ANO3: variants seen among roughly 807,000 people sequenced by gnomAD.
ANO3 encodes the protein anoctamin-3.
A neutral mutation model predicts 144.8 loss-of-function variants in ANO3; 99 were observed. The ratio of observed to expected loss-of-function variants is 0.68; its 90% CI spans 0.58 to 0.81. The LOEUF (loss-of-function observed/expected upper bound fraction) is 0.81. ANO3 is among the 30% of genes least tolerant of loss of function. The pLI, the probability that ANO3 is intolerant of heterozygous loss-of-function variation, is 0.00. For missense variants in ANO3, 905 were observed against 1,202.2 expected (o/e 0.75, Z 3.66); for synonymous variants, 414 against 392.6 (o/e 1.05, Z -0.64).
chr11:26,330,176 C>G (rs186140616), upstream of ANO3, among the ~76,000 whole-genome samples: 49 of 152,190 alleles, frequency 3.2e-4, no homozygotes, highest in Middle Eastern at 3.4e-3. Flanking sequence ...CTAATCCTCA[C>G]GTAGGAGAAT....
chr11:26,615,415 T>TATATATATATATATA (rs1491318574), intron 17 of ANO3, among the ~76,000 whole-genome samples: 7 of 55,470 alleles, frequency 1.3e-4, no homozygotes, highest in Non-Finnish European at 1.8e-4. Context: ...TATATATATA[T>TATATATATATATATA]TTTTTTTTTT....
At chr11:26,402,910 G>A (rs1174992637) in intron 1 of ANO3, among the ~76,000 whole-genome samples, 1 of 151,766 alleles carries the variant, frequency 6.6e-6, no homozygotes, top group Non-Finnish European at 1.5e-5. Flanking sequence ...CTCTTAATTA[G>A]GGTTCCTTCA....
intron 18 of ANO3, among the ~76,000 whole-genome samples, chr11:26,631,181 G>C (rs1479715709): frequency 6.6e-6 from 1 of 151,888 alleles, no homozygotes; most frequent in Admixed American, 6.6e-5. Flanking sequence ...ATTTGGGGTG[G>C]TGGAGTCTTC....
intron 1 of ANO3, among the ~76,000 whole-genome samples, chr11:26,417,231 TA>T (rs1346515719): frequency 3.3e-5 from 5 of 152,108 alleles, no homozygotes; most frequent in Admixed American, 2.0e-4. Context: ...ATAACCTCTA[TA>T]AGTGTGTTTT....
At chr11:26,195,073 C>A (rs1851558660) in intron 1 of ANO3, among the ~76,000 whole-genome samples, 1 of 152,154 alleles carries the variant, frequency 6.6e-6, no homozygotes, top group African/African-American at 2.4e-5. Flanking sequence ...TCCTGTTTTT[C>A]TACCAATAGA....
intron 1 of ANO3, among the ~76,000 whole-genome samples, chr11:26,292,546 G>C (rs548075881): frequency 6.6e-6 from 1 of 152,100 alleles, no homozygotes; most frequent in Admixed American, 6.5e-5. Flanking sequence ...CATCTTTGTG[G>C]TTTTTATCTA....
At chr11:26,386,725 G>T (rs1264741318) in intron 1 of ANO3, among the ~76,000 whole-genome samples, 1 of 152,138 alleles carries the variant, frequency 6.6e-6, no homozygotes, top group Non-Finnish European at 1.5e-5. Flanking sequence ...CTTTAAAATT[G>T]CAAAGACTTG....
At chr11:26,191,985 T>C (rs1167447665) in intron 1 of ANO3, among the ~76,000 whole-genome samples, 1 of 152,210 alleles carries the variant, frequency 6.6e-6, no homozygotes, top group Non-Finnish European at 1.5e-5. Context: ...ATGATACACA[T>C]ATAAAAATTA....
intron 4 of ANO3, among the ~76,000 whole-genome samples, chr11:26,484,347 A>C (rs1395943912): frequency 2.0e-5 from 3 of 152,166 alleles, no homozygotes; most frequent in African/African-American, 7.2e-5. Context: ...TGCTCCCTGC[A>C]TCCCAGCCAC....
At chr11:26,445,187 GATTTTGGAGC>G (rs1263695169) in intron 3 of ANO3, among the ~76,000 whole-genome samples, 1 of 152,142 alleles carries the variant, frequency 6.6e-6, no homozygotes, top group Non-Finnish European at 1.5e-5. Context: ...AAAAGTTTCA[GATTTTGGAGC>G]ATTTTGGATT....
Position 26,437,022 on chromosome 11 carries a change from G to A in ANO3, c.47-4896G>A, listed in dbSNP as rs544711506. The stretch of plus-strand genomic sequence containing the variant: ...CTAAGTCTGCCAAACAGCAAAGATA[G>A]CAGCCTACCCCTCCCTCTGGGAGCT... On this transcript the variant is annotated intron_variant, in intron 1 of 26. Transcript: ENST00000256737. Among the ~76,000 whole-genome samples, 3 of 152,272 alleles carry A rather than the reference G, an allele frequency of 2.0e-5. No individual in the cohort carries two copies. The South Asian group carries it at 6.2e-4, about 32-fold the overall frequency.
chr11:26,593,006 T>C (rs1455706365), intron 14 of ANO3, among the ~76,000 whole-genome samples: 1 of 152,096 alleles, frequency 6.6e-6, no homozygotes. Flanking sequence ...ACAGTTCTTT[T>C]GTCTTCAATA....
rs1389506663 is a variant in ANO3 at position 26,661,277 on chromosome 11, G to C, written c.*833G>C. ...AATCCATACTTTATTGTGGAAGGCT[G>C]TTTTATAGTTTATTTAATTTTTTCT... On this transcript the variant is annotated 3_prime_UTR_variant, in exon 27 of 27. Transcript: ENST00000256737. 6.6e-6 allele frequency: 1 copy of C among 152,500 alleles called. No homozygotes were observed. Among genetic ancestry groups the C allele is most frequent in the Non-Finnish European group, 1.5e-5 (1 of 68,002 alleles). 9.4% of individuals were successfully genotyped at this position (152,500 alleles called of 1,614,324 possible).
At chr11:26,407,076 G>GTATATATATATATA (rs374806519) in intron 1 of ANO3, among the ~76,000 whole-genome samples, 8 of 101,494 alleles carry the variant, frequency 7.9e-5, no homozygotes, top group East Asian at 3.2e-4. Flanking sequence ...GTGTGTGTGT[G>GTATATATATATATA]TATATATATA....
intron 4 of ANO3, among the ~76,000 whole-genome samples, chr11:26,475,481 A>C (rs1859928564): frequency 6.6e-6 from 1 of 152,010 alleles, no homozygotes; most frequent in African/African-American, 2.4e-5. Flanking sequence ...ATATGGGCAA[A>C]ATTAATCACA....
chr11:26,576,021 A>G (rs1476736340), intron 14 of ANO3, among the ~76,000 whole-genome samples: 1 of 152,218 alleles, frequency 6.6e-6, no homozygotes, highest in East Asian at 1.9e-4. Flanking sequence ...GTTAGCAGAA[A>G]GACTTTGTCG....
At chr11:26,554,591 C>T (rs1052736911) in intron 13 of ANO3, among the ~76,000 whole-genome samples, 4 of 152,084 alleles carry the variant, frequency 2.6e-5, no homozygotes, top group Non-Finnish European at 4.4e-5. Flanking sequence ...CACCGAGCCT[C>T]GGTGTGGTCA....
chr11:26,237,914 T>A (rs114024557), intron 1 of ANO3, among the ~76,000 whole-genome samples: 1 of 152,260 alleles, frequency 6.6e-6, no homozygotes, highest in African/African-American at 2.4e-5. Flanking sequence ...CAAGTTAGTA[T>A]AAAATTCAAG....
intron 4 of ANO3, among the ~76,000 whole-genome samples, chr11:26,476,891 G>C (rs535209920): frequency 1.6e-4 from 22 of 133,762 alleles, no homozygotes; most frequent in African/African-American, 6.0e-4. Context: ...TTATAATTTT[G>C]TGTGTGTGTG....
Sources: allele counts gnomAD v4.1 joint callset (sites outside exome capture counted in the v4.1 genomes callset), GRCh38; gene constraint gnomAD v4.1.1; transcripts MANE v1.5; gene names NCBI Gene and HGNC (gene_info 2026-07-23, HGNC 2026-07-21).